The following TNS3 variants were observed in gnomAD, a reference collection of about 807,000 sequenced individuals.
The protein encoded by TNS3 is tensin 3.
A neutral mutation model predicts 140.9 loss-of-function variants in TNS3; 45 were observed. The ratio of observed to expected loss-of-function variants is 0.32; its 90% CI spans 0.25 to 0.41. The LOEUF (loss-of-function observed/expected upper bound fraction) is 0.41. Among genes scored for constraint, TNS3 ranks in the 10% least tolerant of loss-of-function variants. The pLI, the probability that TNS3 is intolerant of heterozygous loss-of-function variation, is 1.00. For missense variants in TNS3, 1,716 were observed against 1,906.7 expected, an observed-to-expected ratio of 0.90 and a Z score of 1.86; for synonymous variants, 815 against 788.4, an observed-to-expected ratio of 1.03 and a Z score of -0.56.
intron 23 of TNS3, among the ~76,000 whole-genome samples, chr7:47,301,899 G>A (rs1378244643): frequency 2.0e-5 from 3 of 152,232 alleles, no homozygotes; most frequent in Admixed American, 2.0e-4. Flanking sequence ...TGGCAAGCCA[G>A]TGGCTGGTGC....
rs577981221 is a variant in TNS3, at chr7:47,495,062, G to C, written c.-115+11845C>G. ...TTGATTAGAAACGTTCTTCTCCCCG[G>C]CGCCTGTAGTCCCAGCTACTCGGGA... On this transcript the variant is annotated intron_variant, in intron 3 of 30. Transcript: ENST00000311160. 2.8e-4 allele frequency among the ~76,000 whole-genome samples: 43 copies of C among 151,940 alleles called. No individual in the cohort carries two copies. In the South Asian group the frequency reaches 8.5e-3, roughly 30 times the overall value.
At chr7:47,446,058 T>C (rs139132532) in intron 4 of TNS3, among the ~76,000 whole-genome samples, 103 of 152,330 alleles carry the variant, frequency 6.8e-4, no homozygotes, top group African/African-American at 2.4e-3. Context: ...TCTCTACTTG[T>C]AGGCACCAGT....
At chr7:47,416,686 C>T (rs1475155392) in intron 10 of TNS3, among the ~76,000 whole-genome samples, 1 of 152,184 alleles carries the variant, frequency 6.6e-6, no homozygotes, top group Non-Finnish European at 1.5e-5. Context: ...CTCCCACACG[C>T]CTCTCCTGCA....
In TNS3 at chr7:47,289,319, A is replaced by T. The variant is rs117462055; in HGVS notation, c.3928+2636T>A. 1.1e-4 allele frequency among the ~76,000 whole-genome samples: 17 copies of T among 152,322 alleles called. No homozygotes were observed. In the East Asian group the frequency reaches 1.2e-3, roughly 10 times the overall value. ...AGAAATTCCCTCCCCAACATTTCTGACAATAAACACCTACCTTGCATGAAA... is the reference window on the plus strand; with the variant it reads ...AGAAATTCCCTCCCCAACATTTCTGTCAATAAACACCTACCTTGCATGAAA... On this transcript the variant is annotated intron_variant, in intron 27 of 30. Transcript: ENST00000311160.
Position 47,574,680 on chromosome 7 carries a change from AAG to A in TNS3, c.-265+7369_-265+7370del, listed in dbSNP as rs1477098531. ...ACACACGGTATTATTCAGCCTTAAA[AAG>A]AGAGAAATCGTGACACATGCTACAA... On this transcript the variant is annotated intron_variant, in intron 1 of 30. Transcript: ENST00000311160. Among the ~76,000 whole-genome samples the A allele has an allele frequency of 3.3e-5, 5 of 152,250 alleles. No homozygotes were observed. In the East Asian group the frequency reaches 5.8e-4, roughly 18 times the overall value.
intron 3 of TNS3, chr7:47,481,700 C>A (rs553649229): frequency 8.4e-5 from 83 of 985,248 alleles, no homozygotes; most frequent in Non-Finnish European, 9.4e-5. Context: ...GACTTTGACT[C>A]CACCATAGTC....
chr7:47,575,920 T>C (rs1355923516), intron 1 of TNS3, among the ~76,000 whole-genome samples: 1 of 146,942 alleles, frequency 6.8e-6, no homozygotes, highest in Non-Finnish European at 1.5e-5. Flanking sequence ...TGTGCCTCCC[T>C]CCTGCGTGCA....
chr7:47,513,415 C>T (rs771691837), intron 2 of TNS3, among the ~76,000 whole-genome samples: 3 of 152,170 alleles, frequency 2.0e-5, no homozygotes, highest in Non-Finnish European at 4.4e-5. Context: ...TCGATTCTCC[C>T]GCCTCGGCGT....
intron 23 of TNS3, among the ~76,000 whole-genome samples, chr7:47,301,322 C>T (rs1462991572): frequency 6.6e-6 from 1 of 152,178 alleles, no homozygotes; most frequent in Non-Finnish European, 1.5e-5. Flanking sequence ...CCCTGCCTTG[C>T]CAGTCACACA....
intron 2 of TNS3, among the ~76,000 whole-genome samples, chr7:47,519,051 G>A (rs1321669616): frequency 6.6e-6 from 1 of 152,198 alleles, no homozygotes; most frequent in Non-Finnish European, 1.5e-5. Flanking sequence ...CAAACAGCCT[G>A]TGAGTAGGGC....
intron 10 of TNS3, among the ~76,000 whole-genome samples, chr7:47,423,747 A>G (rs1794501557): frequency 6.6e-6 from 1 of 152,228 alleles, no homozygotes; most frequent in African/African-American, 2.4e-5. Context: ...TCCGTTGCAG[A>G]GATAGTTCAC....
chr7:47,280,652 G>A (rs1785097310), intron 28 of TNS3, among the ~76,000 whole-genome samples: 3 of 152,142 alleles, frequency 2.0e-5, no homozygotes, highest in South Asian at 2.1e-4. Flanking sequence ...AGTGGCTCAC[G>A]CCTGTAATCC....
At chr7:47,440,023 C>A (rs185038558) in intron 5 of TNS3, among the ~76,000 whole-genome samples, 3 of 152,056 alleles carry the variant, frequency 2.0e-5, no homozygotes, top group East Asian at 3.9e-4. Flanking sequence ...GGGTTCCAGG[C>A]GGGACTCCTG....
intron 21 of TNS3, among the ~76,000 whole-genome samples, chr7:47,304,458 G>A (rs2204485): frequency 0.28 from 42,097 of 152,068 alleles, 6,485 homozygotes; most frequent in South Asian, 0.34. Flanking sequence ...TGAGCAAGTG[G>A]AATGGTCTCA....
chr7:47,324,023 T>C (rs1787894560), intron 20 of TNS3, among the ~76,000 whole-genome samples: 1 of 152,246 alleles, frequency 6.6e-6, no homozygotes, highest in African/African-American at 2.4e-5. Flanking sequence ...TGTTGGCATG[T>C]GTTATAAAAG....
rs568815110 is a variant in TNS3, at chr7:47,474,474, C to T, written c.-76+6629G>A. ...ACACACTGCAACACACACACAACAC[C>T]TCACACAATACACACAACACAGACA... On this transcript the variant is annotated intron_variant, in intron 4 of 30. Transcript: ENST00000311160. Among the ~76,000 whole-genome samples, 6 of 149,836 alleles carry T rather than the reference C, an allele frequency of 4.0e-5. No individual in the cohort carries two copies. The South Asian group carries it at 1.3e-3, about 32-fold the overall frequency.
In TNS3 at chr7:47,401,078, T is replaced by C. The variant is rs372010033; in HGVS notation, c.724-164A>G. On this transcript the variant is annotated intron_variant, in intron 13 of 30. Transcript: ENST00000311160. Reference sequence around the variant, plus strand: ...ACTTCAGCCCTGGGGCACAGGCGCCTGCAGACAGCTGGGGTGCAGGCAGAG... The same window carrying C: ...ACTTCAGCCCTGGGGCACAGGCGCCCGCAGACAGCTGGGGTGCAGGCAGAG... 1.8e-4 allele frequency among the ~76,000 whole-genome samples: 28 copies of C among 152,308 alleles called. No individual in the cohort carries two copies. In the East Asian group the frequency reaches 3.7e-3, roughly 20 times the overall value.
chr7:47,346,282 C>T lies in TNS3; in HGVS notation c.2356G>A (p.Gly786Arg). Residue 786 changes from glycine to arginine, a missense_variant, in exon 18 of 31, where the codon GGG becomes AGG. By Grantham distance (125) the Gly-to-Arg change is moderately radical. Around this residue, in one of 3 missense-constraint regions of TNS3, gnomAD observed 1,163 missense variants for 1,182.1 expected, o/e 0.98. Transcript: ENST00000311160. ...SLGQYDNDAG[G>R]QLPFSKCAWG... is the part of the protein sequence containing the mutation. ...GCACATTTGGAGAAGGGCAGCTGCC[C>T]CCCAGCATCGTTGTCGTACTGCCCC... The T allele has an allele frequency of 1.2e-6, 2 of 1,614,184 alleles. No individual in the cohort carries two copies. The highest frequency in any genetic ancestry group is 2.2e-5 in the East Asian group (1 of 44,866).
intron 10 of TNS3, among the ~76,000 whole-genome samples, chr7:47,422,488 CTA>C (rs1453350177): frequency 5.9e-5 from 9 of 152,158 alleles, no homozygotes; most frequent in African/African-American, 2.2e-4. Flanking sequence ...TGATGTGCGC[CTA>C]TAGTCTCAGC....
Sources: allele counts gnomAD v4.1 joint callset (sites outside exome capture counted in the v4.1 genomes callset), GRCh38; gene constraint gnomAD v4.1.1; regional missense constraint gnomAD v4.1.1; transcripts MANE v1.5; gene names NCBI Gene and HGNC (gene_info 2026-07-23, HGNC 2026-07-21).